Variants in LRRC58 observed in about 807,000 individuals in gnomAD.
LRRC58 encodes the protein leucine-rich repeat-containing protein 58.
A neutral mutation model predicts 30.6 loss-of-function variants in LRRC58; 18 were observed. That is an observed-to-expected ratio of 0.59 (90% CI 0.41 to 0.87). The LOEUF is 0.87. LRRC58 is among the 40% of genes least tolerant of loss of function. LRRC58 has a pLI of 0.00. For synonymous variants in LRRC58, 221 were observed against 206.0 expected (o/e 1.07, Z -0.62); for missense variants, 420 against 468.4 (o/e 0.90, Z 0.95).
chr3:120,329,585 T>G lies in LRRC58; in HGVS notation c.*1615A>C, dbSNP rs141408238. On this transcript the variant is annotated 3_prime_UTR_variant, in exon 4 of 4. Coordinates refer to ENST00000295628, the MANE Select transcript of LRRC58 (RefSeq NM_001099678.2). ...ATGAATTAATATACAAATAAACACA[T>G]AAACCCTGAATTATGCTAGTTTCTT... The G allele has an allele frequency of 6.6e-6, 1 of 151,968 alleles. No homozygotes were observed. Among genetic ancestry groups the G allele is most frequent in the Non-Finnish European group, 1.5e-5 (1 of 67,908 alleles). 9.4% of individuals were successfully genotyped at this position (151,968 alleles called of 1,614,324 possible). A position where few individuals can be genotyped will look rare whatever the true frequency, so the allele number is the denominator to read the frequency against.
rs181774681 is a variant in LRRC58 at position 120,326,134 on chromosome 3, T to C, written c.*5066A>G. On this transcript the variant is annotated 3_prime_UTR_variant, in exon 4 of 4. Coordinates refer to ENST00000295628, the MANE Select transcript of LRRC58 (RefSeq NM_001099678.2). ...TGAAATCATGATACCTTTAAAAAGA[T>C]ACGACTATGAAAATACAAAATTGCA... 9.8e-5 allele frequency: 15 copies of C among 152,288 alleles called. No individual in the cohort carries two copies. The East Asian group carries it at 1.5e-3, about 16-fold the overall frequency. The allele number at this position is 152,288 out of a possible 1,614,324, so 9.4% of individuals were successfully genotyped here.
chr3:120,336,577 A>G (rs1023520701), intron 1 of LRRC58, among the ~76,000 whole-genome samples: 5 of 152,266 alleles, frequency 3.3e-5, no homozygotes, highest in Admixed American at 6.5e-5. Context: ...ATAGACTGTA[A>G]AACTATGAAG....
rs1935751899 is a variant in LRRC58 at position 120,331,258 on chromosome 3, T to G, written c.1058A>C (p.Asp353Ala). 6.2e-7 allele frequency: 1 copy of G among 1,613,962 alleles called. No individual in the cohort carries two copies. Among genetic ancestry groups the G allele is most frequent in the Non-Finnish European group, 8.5e-7 (1 of 1,179,866 alleles). The change falls in exon 4 of 4, where the codon GAC becomes GCC. Residue 353 changes from aspartate (D) to alanine (A), a missense_variant. Around this residue, in one of 2 missense-constraint regions of LRRC58, gnomAD observed 154 missense variants for 216.8 expected, o/e 0.71. Transcript: ENST00000295628. ...SHSSTSQSES[D>A]SEDEASVAAR... is the part of the protein sequence containing the mutation. ...AGCAACACTAGCTTCATCTTCTGAG[T>G]CAGATTCACTCTGGGAAGTGGAGCT...
chr3:120,325,241 A>G lies in LRRC58; in HGVS notation c.*5959T>C, dbSNP rs1335226222. 6.6e-6 allele frequency: 1 copy of G among 152,212 alleles called. No individual in the cohort carries two copies. Among genetic ancestry groups the G allele is most frequent in the Non-Finnish European group, 1.5e-5 (1 of 68,028 alleles). 9.4% of individuals were successfully genotyped at this position (152,212 alleles called of 1,614,324 possible). On this transcript the variant is annotated 3_prime_UTR_variant, in exon 4 of 4. Transcript: ENST00000295628. ...TCTCTTAAACATAAGCGGTAGACAT[A>G]ATTAACCAATTTAGTCATGTTTTTG...
chr3:120,347,376 A>ATTTTTTTTTTTTTTTTTTTTTTT (rs1208688984), intron 1 of LRRC58, among the ~76,000 whole-genome samples: 6 of 51,104 alleles, frequency 1.2e-4, no homozygotes, highest in Admixed American at 2.2e-4. Context: ...CCAGGCCAAT[A>ATTTTTTTTTTTTTTTTTTTTTTT]TTCTTTTTTT....
chr3:120,349,085 GT>G lies in LRRC58; in HGVS notation c.158del (p.His53ProfsTer23). ...REALLRLLLPHNRLVSLPRAL... is the reference protein window; with the variant it reads ...REALLRLLLPXNRLVSLPRAL... ...CCCGTGGCAGCGACACCAGACGGTT[GT>G]GAGGCAGCAGCAGCCGCAGCAGCGC... On this transcript the variant is annotated frameshift_variant, in exon 1 of 4. Transcript: ENST00000295628. LOFTEE classifies it high-confidence loss of function. The G allele has an allele frequency of 6.6e-7, 1 of 1,515,872 alleles. No individual in the cohort carries two copies. The highest frequency in any genetic ancestry group is 8.8e-7 in the Non-Finnish European group (1 of 1,140,546). 93.9% of individuals were successfully genotyped at this position (1,515,872 alleles called of 1,614,324 possible). A position where few individuals can be genotyped will look rare whatever the true frequency, so the allele number is the denominator to read the frequency against.
rs1339680322 is a variant in LRRC58 at position 120,329,391 on chromosome 3, T to C, written c.*1809A>G. 1.3e-5 allele frequency: 2 copies of C among 152,036 alleles called. No homozygotes were observed. Among genetic ancestry groups the C allele is most frequent in the Non-Finnish European group, 1.5e-5 (1 of 67,936 alleles). The allele number at this position is 152,036 out of a possible 1,614,324, so 9.4% of individuals were successfully genotyped here. A position where few individuals can be genotyped will look rare whatever the true frequency, so the allele number is the denominator to read the frequency against. On this transcript the variant is annotated 3_prime_UTR_variant, in exon 4 of 4. Coordinates refer to ENST00000295628, the MANE Select transcript of LRRC58 (RefSeq NM_001099678.2). ...CTCTATTTTATGATATAATCACCTA[T>C]GTATTACTCTTCTAGGCAGTAGGAA...
chr3:120,344,534 G>A (rs1233693070), intron 1 of LRRC58, among the ~76,000 whole-genome samples: 4 of 152,194 alleles, frequency 2.6e-5, no homozygotes, highest in Non-Finnish European at 5.9e-5. Flanking sequence ...CAAAACATTT[G>A]AGAGCATTAA....
chr3:120,348,448 ATC>A (rs1381280493), intron 1 of LRRC58, among the ~76,000 whole-genome samples: 2 of 152,214 alleles, frequency 1.3e-5, no homozygotes, highest in African/African-American at 2.4e-5. Flanking sequence ...TCTGATTTAC[ATC>A]TGTTTTGAGT....
intron 1 of LRRC58, among the ~76,000 whole-genome samples, chr3:120,344,829 G>C (rs905371345): frequency 2.1e-4 from 32 of 152,182 alleles, no homozygotes; most frequent in Admixed American, 1.7e-3. Context: ...ACCTAACTGA[G>C]AAGAATAAAA....
rs796116731 is a variant in LRRC58, at chr3:120,347,379, C to CTTTTTTTTTTT, written c.500+1354_500+1364dup. Among the ~76,000 whole-genome samples, 49 of 54,848 alleles carry CTTTTTTTTTTT rather than the reference C, an allele frequency of 8.9e-4. 10 individuals are homozygous for CTTTTTTTTTTT. The highest frequency in any genetic ancestry group is 1.2e-3 in the Non-Finnish European group (34 of 28,766). 36.0% of individuals were successfully genotyped at this position (54,848 alleles called of 152,430 possible). On this transcript the variant is annotated intron_variant, in intron 1 of 3. Coordinates refer to ENST00000295628, the MANE Select transcript of LRRC58 (RefSeq NM_001099678.2). ...AGTTCTTTTTTCCCAGGCCAATATT[C>CTTTTTTTTTTT]TTTTTTTTTTTTTTTTTTTTTTTGA...
chr3:120,335,126 G>C lies in LRRC58; in HGVS notation c.643C>G (p.Arg215Gly). The C allele has an allele frequency of 1.2e-6, 2 of 1,612,550 alleles. No individual in the cohort carries two copies. The highest frequency in any genetic ancestry group is 2.2e-5 in the South Asian group (2 of 90,900). Residue 215 changes from arginine (R) to glycine (G), a missense_variant, in exon 3 of 4, where the codon CGT (arginine) becomes GGT (glycine). Arg to Gly is a moderately radical substitution (Grantham distance 125). Coordinates refer to ENST00000295628, the MANE Select transcript of LRRC58 (RefSeq NM_001099678.2). The stretch of plus-strand genomic sequence containing the variant: ...AAGTTATTGTGAAGACTTAGGGAAC[G>C]AAGTGAATGTAACCTAGAATAAATG... ...PPQLSQLHSL[R>G]SLSLHNNLLT...
chr3:120,331,609 C>T (rs2107621351), intron 3 of LRRC58, among the ~76,000 whole-genome samples: 2 of 152,126 alleles, frequency 1.3e-5, no homozygotes, highest in Admixed American at 1.3e-4. Flanking sequence ...AAGAGGTAAC[C>T]AGGACATTTA....
intron 1 of LRRC58, among the ~76,000 whole-genome samples, chr3:120,346,938 G>A (rs1290417377): frequency 6.6e-6 from 1 of 152,190 alleles, no homozygotes; most frequent in Non-Finnish European, 1.5e-5. Context: ...TTCAAGACCT[G>A]ACACGGGCTG....
rs1936019057 is a variant in LRRC58 at position 120,349,102 on chromosome 3, G to T, written c.142C>A (p.Arg48=). The part of the protein sequence containing the change: ...ERRGAREALL[R]LLLPHNRLVS... ...AGACGGTTGTGAGGCAGCAGCAGCC[G>T]CAGCAGCGCCTCCCGCGCCCCGCGC... is the stretch of plus-strand genomic sequence containing the variant. Residue 48 remains arginine (R), a synonymous_variant, in exon 1 of 4, where the codon CGG becomes AGG. Transcript: ENST00000295628. The T allele has an allele frequency of 6.6e-7, 1 of 1,511,652 alleles. No individual in the cohort carries two copies. Among genetic ancestry groups the T allele is most frequent in the East Asian group, 2.7e-5 (1 of 37,050 alleles). The allele number at this position is 1,511,652 out of a possible 1,614,324, so 93.6% of individuals were successfully genotyped here.
chr3:120,339,000 C>T (rs538590008), intron 1 of LRRC58, among the ~76,000 whole-genome samples: 51 of 152,244 alleles, frequency 3.3e-4, no homozygotes, highest in Non-Finnish European at 6.2e-4. Context: ...TTTCCTATCC[C>T]TTTACTTATA....
chr3:120,337,147 C>A (rs538399463), intron 1 of LRRC58, among the ~76,000 whole-genome samples: 4 of 152,236 alleles, frequency 2.6e-5, no homozygotes, highest in African/African-American at 9.6e-5. Context: ...TGTGAACTGG[C>A]AGATTTTAGA....
intron 1 of LRRC58, among the ~76,000 whole-genome samples, chr3:120,342,119 G>A (rs1037917368): frequency 6.6e-6 from 1 of 152,132 alleles, no homozygotes; most frequent in Non-Finnish European, 1.5e-5. Flanking sequence ...GCAGGAGCTG[G>A]GGCTGAGCCT....
At chr3:120,334,736 T>A in intron 3 of LRRC58, 126 bp downstream of exon 3, 1 of 901,480 alleles carries the variant, frequency 1.1e-6, no homozygotes, top group Non-Finnish European at 1.6e-6. Flanking sequence ...GAGTGAAATG[T>A]CTTTCTCATA....
Sources: gnomAD v4.1 joint callset for allele counts (sites outside exome capture counted in the v4.1 genomes callset) on GRCh38, gnomAD v4.1.1 for gene constraint, gnomAD v4.1.1 regional missense constraint, MANE v1.5 for transcripts, NCBI Gene and HGNC (gene_info 2026-07-23, HGNC 2026-07-21) for gene names.